The following PTPRM variants were observed in gnomAD, a reference collection of about 807,000 sequenced individuals.
The protein encoded by PTPRM is protein tyrosine phosphatase receptor type M.
A neutral mutation model predicts 186.7 loss-of-function variants in PTPRM; 47 were observed. The observed-to-expected ratio is 0.25, with a 90% CI of 0.20 to 0.32. PTPRM has a LOEUF of 0.32. Ranked by LOEUF, PTPRM falls within the 10% of genes least tolerant of loss-of-function variation. The pLI is 1.00. For synonymous variants in PTPRM, 668 were observed against 674.9 expected (o/e 0.99, Z 0.16); for missense variants, 1,494 against 1,865.0 (o/e 0.80, Z 3.66).
chr18:7,794,797 G>A (rs1445053073), intron 2 of PTPRM, among the ~76,000 whole-genome samples: 4 of 152,034 alleles, frequency 2.6e-5, no homozygotes, highest in East Asian at 3.9e-4. Flanking sequence ...TTAAATCTTG[G>A]CATCTATTTA....
chr18:7,904,912 C>A (rs1274451482), intron 3 of PTPRM, among the ~76,000 whole-genome samples: 1 of 152,190 alleles, frequency 6.6e-6, no homozygotes, highest in Non-Finnish European at 1.5e-5. Context: ...GATAGCCTGA[C>A]AACTGACACT....
intron 11 of PTPRM, among the ~76,000 whole-genome samples, chr18:8,109,710 C>G (rs2091675399): frequency 6.6e-6 from 1 of 152,070 alleles, no homozygotes; most frequent in East Asian, 1.9e-4. Context: ...TTAAGGCAAA[C>G]TAGAGCAGTG....
intron 11 of PTPRM, among the ~76,000 whole-genome samples, chr18:8,106,904 G>T (rs1158941322): frequency 1.3e-5 from 2 of 152,182 alleles, no homozygotes; most frequent in Non-Finnish European, 2.9e-5. Flanking sequence ...GCCTTTCTCT[G>T]ATAGTTGCAT....
chr18:8,345,710 A>G (rs541768122), intron 23 of PTPRM, among the ~76,000 whole-genome samples: 1 of 151,654 alleles, frequency 6.6e-6, no homozygotes. Flanking sequence ...AATTATTCTA[A>G]GAGAACAGAA....
rs74321434 is a variant in PTPRM at position 7,974,743 on chromosome 18, C to T, written c.1132+19329C>T. On this transcript the variant is annotated intron_variant, in intron 7 of 32. Transcript: ENST00000580170. ...GGAAACATGCTGTGTTCACATCTAA[C>T]GGGCAGAGAAGAATAGTTCCCCAGT... Among the ~76,000 whole-genome samples the T allele has an allele frequency of 9.2e-5, 14 of 152,274 alleles. No individual in the cohort carries two copies. The East Asian group carries it at 2.7e-3, about 29-fold the overall frequency.
intron 2 of PTPRM, among the ~76,000 whole-genome samples, chr18:7,887,170 C>T (rs1420626929): frequency 6.6e-6 from 1 of 151,982 alleles, no homozygotes; most frequent in Non-Finnish European, 1.5e-5. Context: ...TGTGCTAAAG[C>T]CGACCTATGA....
intron 14 of PTPRM, among the ~76,000 whole-genome samples, chr18:8,232,913 G>A (rs576903824): frequency 2.0e-5 from 3 of 152,252 alleles, no homozygotes; most frequent in African/African-American, 7.2e-5. Context: ...TAGCAAGGAG[G>A]GGGGTGGTGG....
intron 11 of PTPRM, among the ~76,000 whole-genome samples, chr18:8,090,217 A>C (rs1568324050): frequency 6.6e-6 from 1 of 152,148 alleles, no homozygotes; most frequent in East Asian, 1.9e-4. Flanking sequence ...ACCATGGCTC[A>C]GTCTTTTTTG....
intron 1 of PTPRM, among the ~76,000 whole-genome samples, chr18:7,577,311 A>T (rs1194750410): frequency 6.6e-6 from 1 of 152,228 alleles, no homozygotes; most frequent in Non-Finnish European, 1.5e-5. Flanking sequence ...TTATTGCTAT[A>T]AAGTAGCATT....
chr18:7,821,284 G>T (rs907382104), intron 2 of PTPRM, among the ~76,000 whole-genome samples: 1 of 152,068 alleles, frequency 6.6e-6, no homozygotes, highest in Non-Finnish European at 1.5e-5. Flanking sequence ...ATCCAAGGTG[G>T]GCTGTGCCAT....
chr18:8,085,385 C>A (rs548471887), intron 9 of PTPRM, among the ~76,000 whole-genome samples: 37 of 152,170 alleles, frequency 2.4e-4, no homozygotes, highest in Non-Finnish European at 4.3e-4. Context: ...TGTAGTTTTA[C>A]AAAATGACAT....
At chr18:7,782,178 A>G (rs952641446) in intron 2 of PTPRM, among the ~76,000 whole-genome samples, 1 of 152,232 alleles carries the variant, frequency 6.6e-6, no homozygotes, top group Non-Finnish European at 1.5e-5. Context: ...GAAACACCAC[A>G]GGCTCTGTGT....
intron 14 of PTPRM, among the ~76,000 whole-genome samples, chr18:8,231,529 T>A (rs2094286384): frequency 6.6e-6 from 1 of 152,232 alleles, no homozygotes; most frequent in Non-Finnish European, 1.5e-5. Flanking sequence ...TTGTGATTCA[T>A]ACCCATCATA....
intron 1 of PTPRM, among the ~76,000 whole-genome samples, chr18:7,662,214 G>A (rs1042584982): frequency 2.6e-5 from 4 of 152,176 alleles, no homozygotes; most frequent in African/African-American, 9.7e-5. Context: ...AGGGTTACAG[G>A]CATGAGCCAC....
intron 7 of PTPRM, among the ~76,000 whole-genome samples, chr18:8,029,728 T>C (rs1443352121): frequency 1.3e-5 from 2 of 152,246 alleles, no homozygotes; most frequent in Admixed American, 6.5e-5. Flanking sequence ...GTGTCTTATA[T>C]ACTTATTCAG....
At chr18:8,373,037 AG>A (rs1211675453) in intron 24 of PTPRM, among the ~76,000 whole-genome samples, 1 of 152,204 alleles carries the variant, frequency 6.6e-6, no homozygotes, top group Non-Finnish European at 1.5e-5. Flanking sequence ...CTAGACAACC[AG>A]TGAAGAGGTG....
At chr18:8,329,648 C>T (rs559710529) in intron 22 of PTPRM, among the ~76,000 whole-genome samples, 1 of 152,350 alleles carries the variant, frequency 6.6e-6, no homozygotes, top group East Asian at 1.9e-4. Context: ...TTTCTGTGCA[C>T]CTGTCACTTG....
At chr18:7,760,703 G>A (rs920467684) in intron 1 of PTPRM, among the ~76,000 whole-genome samples, 64 of 152,314 alleles carry the variant, frequency 4.2e-4, no homozygotes, top group Admixed American at 3.6e-3. Context: ...ATAGCATAAT[G>A]TATGTGTTTA....
At chr18:7,979,230 T>TA (rs1348610410) in intron 7 of PTPRM, among the ~76,000 whole-genome samples, 1 of 152,160 alleles carries the variant, frequency 6.6e-6, no homozygotes, top group East Asian at 1.9e-4. Flanking sequence ...TCTAAGTATA[T>TA]AAAAAACACA....
Sources: gnomAD v4.1 joint callset for allele counts (sites outside exome capture counted in the v4.1 genomes callset) on GRCh38, gnomAD v4.1.1 for gene constraint, MANE v1.5 for transcripts, NCBI Gene and HGNC (gene_info 2026-07-23, HGNC 2026-07-21) for gene names.